Variants in KIF16B observed in about 807,000 individuals in gnomAD.
KIF16B encodes the protein kinesin family member 16B.
In KIF16B, 98 loss-of-function variants were observed where a neutral mutation model predicts 156.3. The ratio of observed to expected loss-of-function variants is 0.63; its 90% CI spans 0.53 to 0.74. The LOEUF (loss-of-function observed/expected upper bound fraction) is 0.74. Ranked by LOEUF, KIF16B falls within the 30% of genes least tolerant of loss-of-function variation. KIF16B has a pLI of 0.00. For missense variants in KIF16B, 1,421 were observed against 1,606.5 expected (o/e 0.88, Z 1.97); for synonymous variants, 564 against 583.7 (o/e 0.97, Z 0.49).
At chr20:16,478,709 C>G (rs1014433195) in intron 12 of KIF16B, among the ~76,000 whole-genome samples, 9 of 152,012 alleles carry the variant, frequency 5.9e-5, no homozygotes, top group Admixed American at 3.3e-4. Context: ...GTTCATGGCC[C>G]CAAAGCACAA....
At position 16,573,156 on chromosome 20, in the gene KIF16B, T is replaced by C. The variant is rs1169229947; in HGVS notation, c.47+73A>G. 8 of 1,395,986 alleles carry C rather than the reference T, an allele frequency of 5.7e-6. No individual in the cohort carries two copies. In the East Asian group the frequency reaches 2.1e-4, roughly 37 times the overall value. The allele number at this position is 1,395,986 out of a possible 1,614,324, so 86.5% of individuals were successfully genotyped here. ...GACACTTTTAAGTCCAGGCTGGCTT[T>C]GGGGGAGCTGGAAACAGGCTTCCTC... On this transcript the variant is annotated intron_variant, in intron 1 of 25. Transcript: ENST00000354981.
At chr20:16,369,091 C>A (rs551123305) in intron 22 of KIF16B, 11 of 985,710 alleles carry the variant, frequency 1.1e-5, no homozygotes, top group Non-Finnish European at 1.3e-5. Context: ...CTGGTGAGTT[C>A]TCTCTTGTGA....
At chr20:16,308,073 C>T (rs2063566957) in intron 25 of KIF16B, among the ~76,000 whole-genome samples, 2 of 152,054 alleles carry the variant, frequency 1.3e-5, no homozygotes, top group Non-Finnish European at 2.9e-5. Context: ...ATTTGACATA[C>T]TCTTAAATCT....
Position 16,526,082 on chromosome 20 carries a change from T to C in KIF16B, c.231+10A>G, listed in dbSNP as rs772030726. On this transcript the variant is annotated intron_variant, in intron 3 of 25. Coordinates refer to ENST00000354981, the MANE Select transcript of KIF16B (RefSeq NM_024704.5). Reference sequence around the variant, plus strand: ...TAAATCAACATAAATATTTTGAAAATATCATATACCATTTCTTGTGAAACG... The same window carrying C: ...TAAATCAACATAAATATTTTGAAAACATCATATACCATTTCTTGTGAAACG... The C allele has an allele frequency of 1.1e-5, 16 of 1,419,680 alleles. No individual in the cohort carries two copies. The African/African-American group carries it at 2.2e-4, about 19-fold the overall frequency. The allele number at this position is 1,419,680 out of a possible 1,614,324, so 87.9% of individuals were successfully genotyped here.
rs1568630014 is a variant in KIF16B, at chr20:16,515,666, TGAA to T, written c.232-5_232-3del. ...ATCTGTGCCGAGGGTTTTGAAAACC[TGAA>T]AGCCAAAAAGAACACACAAAAGATA... On this transcript the variant is annotated splice_region_variant and splice_polypyrimidine_tract_variant and intron_variant, in intron 3 of 25. Transcript: ENST00000354981. 7.8e-6 allele frequency: 12 copies of T among 1,546,942 alleles called. No individual in the cohort carries two copies. The highest frequency in any genetic ancestry group is 1.1e-5 in the Non-Finnish European group (12 of 1,121,390).
intron 15 of KIF16B, among the ~76,000 whole-genome samples, chr20:16,414,968 T>C (rs905446473): frequency 5.3e-5 from 8 of 152,134 alleles, no homozygotes; most frequent in African/African-American, 1.9e-4. Flanking sequence ...GTTCTGAGCA[T>C]ATTTAAGGTA....
intron 10 of KIF16B, among the ~76,000 whole-genome samples, 167 bp downstream of exon 10, chr20:16,504,205 C>T (rs2068708506): frequency 6.6e-6 from 1 of 152,126 alleles, no homozygotes; most frequent in Admixed American, 6.5e-5. Context: ...AATGCAAAGG[C>T]TGACAAGAGG....
At chr20:16,536,652 G>C (rs1370948849) in intron 1 of KIF16B, among the ~76,000 whole-genome samples, 7 of 152,178 alleles carry the variant, frequency 4.6e-5, no homozygotes, top group Non-Finnish European at 7.3e-5. Context: ...TGATATCTAT[G>C]ATGGTTGGAG....
At chr20:16,375,881 G>T in intron 19 of KIF16B, among the ~76,000 whole-genome samples, 1 of 152,296 alleles carries the variant, frequency 6.6e-6, no homozygotes. Flanking sequence ...CAAGGGACAA[G>T]CTGGCCTTCC....
At chr20:16,520,034 G>A (rs2069282732) in intron 3 of KIF16B, among the ~76,000 whole-genome samples, 1 of 152,110 alleles carries the variant, frequency 6.6e-6, no homozygotes. Context: ...CGCAGACCAG[G>A]AGATTCCTTC....
chr20:16,301,618 T>C (rs1465675428), intron 25 of KIF16B, among the ~76,000 whole-genome samples: 2 of 152,168 alleles, frequency 1.3e-5, no homozygotes, highest in Non-Finnish European at 2.9e-5. Context: ...GCCTTCTGTA[T>C]ATCTTCTTTG....
rs554590040 is a variant in KIF16B, at chr20:16,497,634, T to C, written c.1221A>G (p.Lys407=). The change falls in exon 11 of 26, where the codon AAA becomes AAG. Residue 407 remains lysine (K), a synonymous_variant. Transcript: ENST00000354981. ...DSPTALSMEE[K]LQQNEARVQE... is the part of the protein sequence containing the mutation. ...TTACTCTTGCTTCATTCTGCTGAAGTTTTTCCTCCATACTTAAAGCTGTGG... is the reference window on the plus strand; with the variant it reads ...TTACTCTTGCTTCATTCTGCTGAAGCTTTTCCTCCATACTTAAAGCTGTGG... 107 of 1,611,554 alleles carry C rather than the reference T, an allele frequency of 6.6e-5. 1 individual carries two copies. The South Asian group carries it at 1.1e-3, about 17-fold the overall frequency.
intron 1 of KIF16B, among the ~76,000 whole-genome samples, chr20:16,534,534 T>G (rs911291330): frequency 2.6e-5 from 4 of 152,176 alleles, no homozygotes; most frequent in African/African-American, 9.7e-5. Flanking sequence ...CTTCTGTCTG[T>G]TTTTGGTTTT....
intron 17 of KIF16B, among the ~76,000 whole-genome samples, chr20:16,392,283 T>C (rs1210679014): frequency 6.6e-6 from 1 of 152,210 alleles, no homozygotes; most frequent in East Asian, 1.9e-4. Context: ...TAGTTTAATA[T>C]CATGGGATTC....
At chr20:16,442,419 T>TTA (rs11472428) in intron 12 of KIF16B, among the ~76,000 whole-genome samples, 17,176 of 149,244 alleles carry the variant, frequency 0.12, 1,147 homozygotes, top group East Asian at 0.32. Context: ...TACATACATA[T>TTA]TATATATATA....
At chr20:16,279,314 G>A (rs1055919792) in intron 25 of KIF16B, among the ~76,000 whole-genome samples, 1 of 152,140 alleles carries the variant, frequency 6.6e-6, no homozygotes, top group African/African-American at 2.4e-5. Flanking sequence ...GTCCTTTGGG[G>A]GACACCTCTT....
At chr20:16,523,679 AACT>A (rs2069431923) in intron 3 of KIF16B, among the ~76,000 whole-genome samples, 1 of 152,204 alleles carries the variant, frequency 6.6e-6, no homozygotes, top group Non-Finnish European at 1.5e-5. Flanking sequence ...ATTAGAAAAA[AACT>A]ACTTTAAATT....
chr20:16,459,945 G>A (rs2067302892), intron 12 of KIF16B, among the ~76,000 whole-genome samples: 1 of 152,116 alleles, frequency 6.6e-6, no homozygotes, highest in South Asian at 2.1e-4. Context: ...TATGTCTCAT[G>A]TCTCTACTCA....
intron 12 of KIF16B, among the ~76,000 whole-genome samples, chr20:16,460,340 G>A (rs1461822779): frequency 6.6e-6 from 1 of 152,284 alleles, no homozygotes; most frequent in South Asian, 2.1e-4. Context: ...CAGCACTTTG[G>A]GAGGCCAAGG....
Sources: gnomAD v4.1 joint callset for allele counts (sites outside exome capture counted in the v4.1 genomes callset) on GRCh38, gnomAD v4.1.1 for gene constraint, MANE v1.5 for transcripts, NCBI Gene and HGNC (gene_info 2026-07-23, HGNC 2026-07-21) for gene names.